The following CDC37L1 variants were observed in gnomAD, a reference collection of about 807,000 sequenced individuals.
CDC37L1 encodes the protein hsp90 co-chaperone Cdc37-like 1.
A neutral mutation model predicts 45.9 loss-of-function variants in CDC37L1; 32 were observed. The ratio of observed to expected loss-of-function variants is 0.70; its 90% CI spans 0.53 to 0.94. The LOEUF (loss-of-function observed/expected upper bound fraction) is 0.94. Ranked by LOEUF, CDC37L1 falls within the 40% of genes least tolerant of loss-of-function variation. The pLI, the probability that CDC37L1 is intolerant of heterozygous loss-of-function variation, is 0.00. For missense variants in CDC37L1, 434 were observed against 405.7 expected (o/e 1.07, Z -0.60); for synonymous variants, 150 against 133.0 (o/e 1.13, Z -0.88).
intron 3 of CDC37L1, among the ~76,000 whole-genome samples, chr9:4,688,961 T>G (rs927693434): frequency 6.6e-5 from 10 of 152,318 alleles, no homozygotes; most frequent in African/African-American, 1.9e-4. Context: ...TTTTAAAGAT[T>G]ATTCATTTTT....
chr9:4,691,889 T>A lies in CDC37L1; in HGVS notation c.508+3283T>A, dbSNP rs369107323. Reference sequence around the variant, plus strand: ...ATTAATTTAAAAACAAAGGCTTTTATCTCTTAAATTTCACAACCGTTATAT... The same window carrying A: ...ATTAATTTAAAAACAAAGGCTTTTAACTCTTAAATTTCACAACCGTTATAT... On this transcript the variant is annotated intron_variant, in intron 3 of 6. Coordinates refer to ENST00000381854, the MANE Select transcript of CDC37L1 (RefSeq NM_017913.4). Among the ~76,000 whole-genome samples, 32 of 152,340 alleles carry A rather than the reference T, an allele frequency of 2.1e-4. No homozygotes were observed. In the South Asian group the frequency reaches 6.6e-3, roughly 32 times the overall value.
chr9:4,684,388 A>G (rs1055204714), intron 1 of CDC37L1, among the ~76,000 whole-genome samples: 4 of 152,192 alleles, frequency 2.6e-5, no homozygotes, highest in Non-Finnish European at 5.9e-5. Context: ...GAACTTCTCA[A>G]ATCACCAAGG....
intron 3 of CDC37L1, among the ~76,000 whole-genome samples, chr9:4,695,123 T>C (rs893360413): frequency 2.6e-5 from 4 of 152,328 alleles, no homozygotes; most frequent in African/African-American, 9.6e-5. Flanking sequence ...TCATAGGATT[T>C]ACTTTGTGGG....
At position 4,707,563 on chromosome 9, in the gene CDC37L1, A is replaced by T. The variant is rs1301245801; in HGVS notation, c.*1451A>T. On this transcript the variant is annotated 3_prime_UTR_variant, in exon 7 of 7. Transcript: ENST00000381854. ...CCCTAGAAATGGACTGGAATTATTGAATCTTCTTCTGTAACATCACAATCT... is the reference window on the plus strand; with the variant it reads ...CCCTAGAAATGGACTGGAATTATTGTATCTTCTTCTGTAACATCACAATCT... 1 of 152,196 alleles carries T rather than the reference A, an allele frequency of 6.6e-6. No individual in the cohort carries two copies. The highest frequency in any genetic ancestry group is 2.4e-5 in the African/African-American group (1 of 41,436). The allele number at this position is 152,196 out of a possible 1,614,324, so 9.4% of individuals were successfully genotyped here. A position where few individuals can be genotyped will look rare whatever the true frequency, so the allele number is the denominator to read the frequency against.
At chr9:4,695,169 A>C (rs1302123760) in intron 3 of CDC37L1, among the ~76,000 whole-genome samples, 1 of 152,124 alleles carries the variant, frequency 6.6e-6, no homozygotes, top group African/African-American at 2.4e-5. Flanking sequence ...GCTTTCTTTA[A>C]ATCTGAGTCC....
intron 1 of CDC37L1, among the ~76,000 whole-genome samples, chr9:4,682,159 CTCTTTTTTTT>C (rs1841200532): frequency 2.1e-5 from 1 of 48,466 alleles, no homozygotes; most frequent in African/African-American, 1.7e-4. Flanking sequence ...ATTATCCTTT[CTCTTTTTTTT>C]TTTTTTTTTT....
intron 5 of CDC37L1, among the ~76,000 whole-genome samples, chr9:4,701,585 C>T (rs771525153): frequency 7.1e-6 from 1 of 141,422 alleles, no homozygotes; most frequent in Non-Finnish European, 1.5e-5. Context: ...ACAGAGAAAG[C>T]CTTCTTTTCT....
At position 4,707,107 on chromosome 9, in the gene CDC37L1, C is replaced by CTAT; in HGVS notation, c.*997_*999dup. The CTAT allele has an allele frequency of 6.6e-6, 1 of 152,028 alleles. No homozygotes were observed. Among genetic ancestry groups the CTAT allele is most frequent in the Admixed American group, 6.6e-5 (1 of 15,254 alleles). The allele number at this position is 152,028 out of a possible 1,614,324, so 9.4% of individuals were successfully genotyped here. On this transcript the variant is annotated 3_prime_UTR_variant, in exon 7 of 7. Transcript: ENST00000381854. ...CTAACTGCCTTGAGCTGCCAATTAC[C>CTAT]TATTTCTGAGAATTTGGTGACTCTT... is the stretch of plus-strand genomic sequence containing the variant.
rs1157589156 is a variant in CDC37L1 at position 4,707,450 on chromosome 9, A to C, written c.*1338A>C. 6.6e-6 allele frequency: 1 copy of C among 152,184 alleles called. No individual in the cohort carries two copies. The highest frequency in any genetic ancestry group is 1.5e-5 in the Non-Finnish European group (1 of 68,036). The allele number at this position is 152,184 out of a possible 1,614,324, so 9.4% of individuals were successfully genotyped here. A position where few individuals can be genotyped will look rare whatever the true frequency, so the allele number is the denominator to read the frequency against. On this transcript the variant is annotated 3_prime_UTR_variant, in exon 7 of 7. Transcript: ENST00000381854. ...ATACGTGTCTCAACTTGAGAAACCA[A>C]ATAGTGCGAAGGGACTCAGGGTGGC...
chr9:4,693,066 A>G (rs1312255450), intron 3 of CDC37L1, among the ~76,000 whole-genome samples: 1 of 152,180 alleles, frequency 6.6e-6, no homozygotes, highest in Non-Finnish European at 1.5e-5. Context: ...TGATCATACA[A>G]CTTTCCTCAA....
rs774416766 is a variant in CDC37L1, at chr9:4,706,022, T to C, written c.924T>C (p.Tyr308=). The change falls in exon 7 of 7, where the codon TAT becomes TAC. Residue 308 remains tyrosine (Y), a synonymous_variant. Transcript: ENST00000381854. ...TTCTTTTTCCCCAGAATCCAGATTA[T>C]CTTCAGTATTCTATCAGTACAGCTC... is the stretch of plus-strand genomic sequence containing the variant. ...LLESLPQNPD[Y]LQYSISTALC... 2 of 1,561,824 alleles carry C rather than the reference T, an allele frequency of 1.3e-6. No individual in the cohort carries two copies. The highest frequency in any genetic ancestry group is 1.7e-4 in the Middle Eastern group (1 of 5,926).
chr9:4,705,457 T>C (rs1841433540), intron 6 of CDC37L1, among the ~76,000 whole-genome samples: 1 of 152,218 alleles, frequency 6.6e-6, no homozygotes, highest in Non-Finnish European at 1.5e-5. Flanking sequence ...CCTGTTGTTT[T>C]ATTCTCAGTT....
chr9:4,703,434 T>C (rs909965089), intron 6 of CDC37L1, among the ~76,000 whole-genome samples: 4 of 152,090 alleles, frequency 2.6e-5, no homozygotes, highest in Non-Finnish European at 4.4e-5. Flanking sequence ...TCCCCCTTAG[T>C]TAGACATGTA....
At chr9:4,690,769 A>T (rs1429561928) in intron 3 of CDC37L1, among the ~76,000 whole-genome samples, 1 of 152,184 alleles carries the variant, frequency 6.6e-6, no homozygotes. Context: ...CTGAAAATGC[A>T]TGTTGTCTTT....
At chr9:4,703,274 T>A in intron 6 of CDC37L1, 1 of 473,086 alleles carries the variant, frequency 2.1e-6, no homozygotes, top group Non-Finnish European at 3.4e-6. Context: ...CAATTACATG[T>A]ATGTCCTTTA....
chr9:4,680,152 T>G (rs1326526809), intron 1 of CDC37L1, among the ~76,000 whole-genome samples: 1 of 152,180 alleles, frequency 6.6e-6, no homozygotes, highest in Non-Finnish European at 1.5e-5. Flanking sequence ...CTGATTCCTG[T>G]TCACTCTTGG....
chr9:4,691,369 A>ATG (rs1454389190), intron 3 of CDC37L1, among the ~76,000 whole-genome samples: 1 of 151,922 alleles, frequency 6.6e-6, no homozygotes, highest in African/African-American at 2.4e-5. Flanking sequence ...GTTCCCCTTT[A>ATG]TGTGTGCATG....
intron 1 of CDC37L1, among the ~76,000 whole-genome samples, chr9:4,682,982 A>G (rs1034504612): frequency 1.4e-5 from 2 of 145,158 alleles, no homozygotes; most frequent in Non-Finnish European, 3.0e-5. Context: ...ATTTTATATT[A>G]AAATATTTTA....
At chr9:4,686,270 AACAC>A (rs1310224091) in intron 2 of CDC37L1, among the ~76,000 whole-genome samples, 1 of 152,190 alleles carries the variant, frequency 6.6e-6, no homozygotes, top group Non-Finnish European at 1.5e-5. Flanking sequence ...AGCAGTCAGT[AACAC>A]ACACAGATAA....
Sources: allele counts gnomAD v4.1 joint callset (sites outside exome capture counted in the v4.1 genomes callset), GRCh38; gene constraint gnomAD v4.1.1; transcripts MANE v1.5; gene names NCBI Gene and HGNC (gene_info 2026-07-23, HGNC 2026-07-21).